Variants in TLN2 observed in about 807,000 individuals in gnomAD.
The protein encoded by TLN2 is talin-2.
Under a neutral mutation model 294.7 loss-of-function variants are expected in TLN2, and 118 were observed. The observed-to-expected ratio is 0.40, with a 90% CI of 0.34 to 0.47. The LOEUF (loss-of-function observed/expected upper bound fraction) is 0.47, where lower values mean the gene tolerates loss of function less well. Ranked by LOEUF, TLN2 falls within the 20% of genes least tolerant of loss-of-function variation. The pLI is 0.84. For synonymous variants in TLN2, 1,431 were observed against 1,304.5 expected, an observed-to-expected ratio of 1.10 and a Z score of -2.09; for missense variants, 3,083 against 3,282.2, an observed-to-expected ratio of 0.94 and a Z score of 1.48.
rs375023803 is a variant in TLN2, at chr15:62,736,945, A to G, written c.3426A>G (p.Ala1142=). Residue 1142 remains alanine (A), a synonymous_variant, in exon 29 of 59, where the codon GCA becomes GCG. Coordinates refer to ENST00000636159, the MANE Select transcript of TLN2 (RefSeq NM_015059.3). ...TLAQAARGVA[A]STTDPAAAHA... is the part of the protein sequence containing the mutation. The stretch of plus-strand genomic sequence containing the variant: ...CCCAGGCCGCCCGTGGAGTGGCTGC[A>G]TCGACAACCGACCCCGCGGCCGCCC... 1.9e-5 allele frequency: 31 copies of G among 1,614,092 alleles called. 1 individual carries two copies. The highest frequency in any genetic ancestry group is 1.7e-4 in the African/African-American group (13 of 74,938).
intron 23 of TLN2, 27 bp from the exon 24 acceptor site, chr15:62,717,548 TC>T: frequency 6.8e-7 from 1 of 1,479,146 alleles, no homozygotes; most frequent in Non-Finnish European, 9.0e-7. Context: ...CATATGCAGA[TC>T]CTGACTCATC....
intron 1 of TLN2, among the ~76,000 whole-genome samples, chr15:62,484,103 G>A (rs1298575071): frequency 6.6e-6 from 1 of 152,142 alleles, no homozygotes; most frequent in Non-Finnish European, 1.5e-5. Flanking sequence ...GGGATGACTG[G>A]GATCTGGAAG....
intron 51 of TLN2, among the ~76,000 whole-genome samples, chr15:62,809,407 GTT>G (rs2066520976): frequency 6.6e-6 from 1 of 152,148 alleles, no homozygotes; most frequent in South Asian, 2.1e-4. Flanking sequence ...GCTATCTGAA[GTT>G]TCCCAGGAGC....
chr15:62,615,529 AAC>A (rs1042472111), intron 2 of TLN2, among the ~76,000 whole-genome samples: 1 of 152,236 alleles, frequency 6.6e-6, no homozygotes, highest in African/African-American at 2.4e-5. Flanking sequence ...AGGAAATCAA[AAC>A]ACAGCAAACT....
At chr15:62,764,071 T>A (rs1464175363) in intron 40 of TLN2, among the ~76,000 whole-genome samples, 2 of 152,232 alleles carry the variant, frequency 1.3e-5, no homozygotes, top group Admixed American at 6.5e-5. Flanking sequence ...TCGTATTTCA[T>A]CAGTGTGCTT....
chr15:62,627,847 C>T (rs201345408), intron 3 of TLN2, among the ~76,000 whole-genome samples: 6 of 101,210 alleles, frequency 5.9e-5, no homozygotes, highest in African/African-American at 1.7e-4. Context: ...ATTTTGGGCT[C>T]GTTTTACTCT....
intron 42 of TLN2, among the ~76,000 whole-genome samples, chr15:62,775,718 C>T (rs972487660): frequency 1.3e-5 from 2 of 152,248 alleles, no homozygotes; most frequent in African/African-American, 4.8e-5. Flanking sequence ...AGTAAAGATG[C>T]AGTATCTTGG....
At chr15:62,794,440 C>T (rs990288776) in intron 46 of TLN2, among the ~76,000 whole-genome samples, 1 of 152,170 alleles carries the variant, frequency 6.6e-6, no homozygotes, top group African/African-American at 2.4e-5. Context: ...GGCTGGCACA[C>T]CCTTCACAGA....
At chr15:62,821,732 C>G (rs1035071989) in intron 54 of TLN2, among the ~76,000 whole-genome samples, 7 of 152,184 alleles carry the variant, frequency 4.6e-5, no homozygotes, top group Admixed American at 3.9e-4. Context: ...TACCAGGGCT[C>G]TCTCTGCTGG....
chr15:62,588,171 C>T (rs939576409), intron 1 of TLN2, among the ~76,000 whole-genome samples: 1 of 152,128 alleles, frequency 6.6e-6, no homozygotes, highest in African/African-American at 2.4e-5. Context: ...TGAGCCACCG[C>T]ACCCGGCCTA....
rs1567686250 is a variant in TLN2 at position 62,825,761 on chromosome 15, AAT to A, written c.7002+5152_7002+5153del. 2.4e-3 allele frequency among the ~76,000 whole-genome samples: 211 copies of A among 87,286 alleles called. 11 individuals carry two copies. The highest frequency in any genetic ancestry group is 0.013 in the African/African-American group (202 of 16,018). The allele number at this position is 87,286 out of a possible 152,430, so 57.3% of individuals were successfully genotyped here. A position where few individuals can be genotyped will look rare whatever the true frequency, so the allele number is the denominator to read the frequency against. ...TTTTATATATATTAAATATAATTAT[AAT>A]TATATATTATATAATATATTATATA... On this transcript the variant is annotated intron_variant, in intron 54 of 58. Transcript: ENST00000636159.
intron 1 of TLN2, among the ~76,000 whole-genome samples, chr15:62,399,029 G>C (rs929360268): frequency 6.6e-6 from 1 of 152,094 alleles, no homozygotes; most frequent in Admixed American, 6.5e-5. Context: ...CTGCATCCCA[G>C]CCGCTCCAGC....
intron 1 of TLN2, among the ~76,000 whole-genome samples, chr15:62,569,533 A>G (rs1374655518): frequency 6.6e-6 from 1 of 152,194 alleles, no homozygotes; most frequent in Non-Finnish European, 1.5e-5. Flanking sequence ...CTTCTCAGGC[A>G]CACTCTGCTA....
chr15:62,678,927 A>G (rs934220217), intron 11 of TLN2, among the ~76,000 whole-genome samples: 2 of 152,246 alleles, frequency 1.3e-5, no homozygotes, highest in East Asian at 1.9e-4. Context: ...GTTCTGGGAA[A>G]TACAGTAAAA....
rs1320847258 is a variant in TLN2 at position 62,716,402 on chromosome 15, A to G, written c.2706A>G (p.Val902=). The change falls in exon 23 of 59, where the codon GTA becomes GTG. Residue 902 remains valine (V), a synonymous_variant. Coordinates refer to ENST00000636159, the MANE Select transcript of TLN2 (RefSeq NM_015059.3). ...RLREAAEGLR[V]ATNAAAQNAI... is the part of the protein sequence containing the mutation. ...GAGAAGCTGCAGAAGGCCTCCGGGTAGCAACCAACGCAGCTGCCCAGAATG... is the reference window on the plus strand; with the variant it reads ...GAGAAGCTGCAGAAGGCCTCCGGGTGGCAACCAACGCAGCTGCCCAGAATG... 2 of 1,612,468 alleles carry G rather than the reference A, an allele frequency of 1.2e-6. No homozygotes were observed. Among genetic ancestry groups the G allele is most frequent in the Non-Finnish European group, 8.5e-7 (1 of 1,179,362 alleles).
At chr15:62,618,134 T>G (rs1427320331) in intron 2 of TLN2, among the ~76,000 whole-genome samples, 6 of 152,062 alleles carry the variant, frequency 3.9e-5, no homozygotes, top group Non-Finnish European at 7.4e-5. Context: ...TTTGGTTTCT[T>G]CAATAACAGC....
At chr15:62,577,450 C>G (rs538844240) in intron 1 of TLN2, among the ~76,000 whole-genome samples, 1 of 152,050 alleles carries the variant, frequency 6.6e-6, no homozygotes, top group Non-Finnish European at 1.5e-5. Context: ...ATCTCAAAAA[C>G]AAAACAAAAC....
intron 51 of TLN2, among the ~76,000 whole-genome samples, chr15:62,808,618 C>T (rs777148863): frequency 1.1e-4 from 16 of 152,320 alleles, no homozygotes; most frequent in Middle Eastern, 3.4e-3. Flanking sequence ...TCCCTACACA[C>T]GGGCTTGCAC....
intron 1 of TLN2, among the ~76,000 whole-genome samples, chr15:62,467,035 C>G (rs745588221): frequency 2.0e-5 from 3 of 152,218 alleles, no homozygotes; most frequent in Non-Finnish European, 4.4e-5. Flanking sequence ...AGGACACTCA[C>G]CAAACTAAAC....
Sources: gnomAD v4.1 joint callset for allele counts (sites outside exome capture counted in the v4.1 genomes callset) on GRCh38, gnomAD v4.1.1 for gene constraint, MANE v1.5 for transcripts, NCBI Gene and HGNC (gene_info 2026-07-23, HGNC 2026-07-21) for gene names.